The following MLXIPL variants were observed in gnomAD, a reference collection of about 807,000 sequenced individuals.
MLXIPL encodes the protein carbohydrate-responsive element-binding protein.
In MLXIPL, 49 loss-of-function variants were observed where a neutral mutation model predicts 81.5. That is an observed-to-expected ratio of 0.60 (90% confidence interval 0.48 to 0.76). MLXIPL has a LOEUF of 0.76. Among genes scored for constraint, MLXIPL ranks in the 30% least tolerant of loss-of-function variants. MLXIPL has a pLI of 0.00. For synonymous variants in MLXIPL, 466 were observed against 485.5 expected (o/e 0.96, Z 0.53); for missense variants, 1,053 against 1,167.0 (o/e 0.90, Z 1.42).
intron 2 of MLXIPL, among the ~76,000 whole-genome samples, chr7:73,615,052 T>C (rs1231614110): frequency 6.6e-6 from 1 of 152,140 alleles, no homozygotes; most frequent in Non-Finnish European, 1.5e-5. Context: ...CCTTGTGATC[T>C]GCCCGCCTTG....
At chr7:73,616,489 A>G (rs960534471) in intron 1 of MLXIPL, among the ~76,000 whole-genome samples, 3 of 152,130 alleles carry the variant, frequency 2.0e-5, no homozygotes, top group Admixed American at 1.3e-4. Context: ...GTGGCCTCAC[A>G]GGTGTGTCTT....
At chr7:73,622,675 G>A (rs1796457764) in intron 1 of MLXIPL, among the ~76,000 whole-genome samples, 1 of 150,804 alleles carries the variant, frequency 6.6e-6, no homozygotes, top group Non-Finnish European at 1.5e-5. Context: ...GGGTATTTGG[G>A]AAGAAAACAC....
At chr7:73,611,222 A>C (rs1430194168) in intron 2 of MLXIPL, 2 of 152,220 alleles carry the variant, frequency 1.3e-5, no homozygotes, top group Non-Finnish European at 2.9e-5. Flanking sequence ...TGCCTGCCAA[A>C]GCCCACAGCG....
chr7:73,646,996 C>T, the MLXIPL span, among the ~76,000 whole-genome samples: 1 of 152,166 alleles, frequency 6.6e-6, no homozygotes, highest in Admixed American at 6.5e-5. Flanking sequence ...ACTCTGTCCC[C>T]ATCTCCACAC....
Position 73,595,653 on chromosome 7 carries a change from T to C in MLXIPL, c.2294A>G (p.Asn765Ser), listed in dbSNP as rs1554593343. ...DDYVRTRTLH[N>S]WKFWVFSILI... ...GGAGGATACCACCCAGAACTTCCAG[T>C]TGTGCAGCGTACGGGTTCGGACGTA... The change falls in exon 15 of 17, where the codon AAC (asparagine) becomes AGC (serine). Residue 765 changes from asparagine to serine, a missense_variant. Transcript: ENST00000313375. 4 of 1,613,978 alleles carry C rather than the reference T, an allele frequency of 2.5e-6. No homozygotes were observed. Among genetic ancestry groups the C allele is most frequent in the South Asian group, 2.2e-5 (2 of 91,088 alleles).
rs1177198914 is a variant in MLXIPL, at chr7:73,605,853, C to T, written c.820+57G>A. ...CCATCCCCAGCCATCCCTCCCTTGG[C>T]CTCCTGGAATCTCACAGGCCTTCAC... On this transcript the variant is annotated intron_variant, in intron 6 of 16. Coordinates refer to ENST00000313375, the MANE Select transcript of MLXIPL (RefSeq NM_032951.3). The T allele has an allele frequency of 3.2e-6, 5 of 1,569,922 alleles. No homozygotes were observed. In the Admixed American group the frequency reaches 9.4e-5, roughly 30 times the overall value.
chr7:73,632,428 C>A, the MLXIPL span, among the ~76,000 whole-genome samples: 35,653 of 152,096 alleles, frequency 0.23, 4,420 homozygotes, highest in African/African-American at 0.31. Context: ...TATTTGAAAA[C>A]GAAACCGACT....
chr7:73,640,410 A>G, the MLXIPL span, among the ~76,000 whole-genome samples: 3 of 150,496 alleles, frequency 2.0e-5, no homozygotes, highest in East Asian at 1.9e-4. Context: ...TCCAAAAAAA[A>G]AAAAAGAAAA....
At chr7:73,631,788 C>T in the MLXIPL span, among the ~76,000 whole-genome samples, 18 of 147,814 alleles carry the variant, frequency 1.2e-4, no homozygotes, top group African/African-American at 4.5e-4. Context: ...TCTCTCTCTT[C>T]TCCCCTCCCC....
intron 1 of MLXIPL, among the ~76,000 whole-genome samples, chr7:73,621,680 T>G (rs1263935992): frequency 1.4e-5 from 2 of 140,066 alleles, no homozygotes. Flanking sequence ...TCTCCCTCCA[T>G]CTCCCTCCCT....
chr7:73,616,860 A>AG (rs1796035807), intron 1 of MLXIPL, among the ~76,000 whole-genome samples: 1 of 151,660 alleles, frequency 6.6e-6, no homozygotes, highest in Admixed American at 6.6e-5. Context: ...AAAAAAAAAA[A>AG]AAAAAAAAAA....
chr7:73,598,168 C>G (rs1334705537), intron 8 of MLXIPL, among the ~76,000 whole-genome samples: 3 of 152,088 alleles, frequency 2.0e-5, no homozygotes, highest in Admixed American at 6.5e-5. Context: ...AACCAACCCA[C>G]CCATCCATTC....
In MLXIPL at chr7:73,599,658, C is replaced by T. The variant is rs1191202383; in HGVS notation, c.939G>A (p.Met313Ile). The change falls in exon 8 of 17, where the codon ATG (methionine) becomes ATA (isoleucine). Residue 313 changes from methionine to isoleucine, a missense_variant. By Grantham distance (10) the Met-to-Ile change is conservative (BLOSUM62 1). This residue lies in a region of MLXIPL where 823 missense variants were observed against 933.0 expected (regional missense o/e 0.88). Transcript: ENST00000313375. ...FTNSRLPQPP[M>I]PSNFPEPPSF... Reference sequence around the variant, plus strand: ...TGGGGGGCTCTGGGAAGTTTGAAGGCATGGGCGGCTGTGGGAGGCGGGAGT... The same window carrying T: ...TGGGGGGCTCTGGGAAGTTTGAAGGTATGGGCGGCTGTGGGAGGCGGGAGT... 1.9e-6 allele frequency: 3 copies of T among 1,607,356 alleles called. No homozygotes were observed. Among genetic ancestry groups the T allele is most frequent in the Non-Finnish European group, 2.5e-6 (3 of 1,176,648 alleles).
chr7:73,629,146 G>A (rs1329976646), upstream of MLXIPL, among the ~76,000 whole-genome samples: 1 of 151,700 alleles, frequency 6.6e-6, no homozygotes, highest in Non-Finnish European at 1.5e-5. Flanking sequence ...GGATTCAAGC[G>A]ATTCTCCTGC....
the MLXIPL span, among the ~76,000 whole-genome samples, chr7:73,639,464 G>A: frequency 6.6e-6 from 1 of 152,124 alleles, no homozygotes; most frequent in African/African-American, 2.4e-5. Flanking sequence ...TACTATGCAG[G>A]TGTTAACAGA....
chr7:73,624,618 G>T (rs553374903), upstream of MLXIPL: 458 of 1,379,982 alleles, frequency 3.3e-4, 3 homozygotes, highest in African/African-American at 6.5e-3. Flanking sequence ...GCGGGGCCTG[G>T]GACGGGGCGG....
chr7:73,596,098 G>C lies in MLXIPL; in HGVS notation c.2058+55C>G. ...CTGCAATTGAGTTTTGGGTGGGGGG[G>C]GTCCAGAAAGGGGCCCTGTGGTTTT... On this transcript the variant is annotated intron_variant, in intron 13 of 16. Transcript: ENST00000313375. This position sits in a 1 kb window ranked among gnomAD's most constrained non-coding sequence, Gnocchi z 4.7. The C allele has an allele frequency of 6.2e-7, 1 of 1,601,752 alleles. No homozygotes were observed. Among genetic ancestry groups the C allele is most frequent in the South Asian group, 1.1e-5 (1 of 90,584 alleles).
chr7:73,636,188 T>C, the MLXIPL span, among the ~76,000 whole-genome samples: 3 of 151,722 alleles, frequency 2.0e-5, no homozygotes, highest in Admixed American at 1.3e-4. Flanking sequence ...AGTGGGAGGA[T>C]CACTTGAGGC....
chr7:73,601,740 C>T (rs547408668), intron 7 of MLXIPL, among the ~76,000 whole-genome samples: 26 of 152,174 alleles, frequency 1.7e-4, no homozygotes, highest in African/African-American at 4.6e-4. Flanking sequence ...CCATGTTGCC[C>T]GGGCTGGTCT....
Sources: allele counts gnomAD v4.1 joint callset (sites outside exome capture counted in the v4.1 genomes callset), GRCh38; gene constraint gnomAD v4.1.1; regional missense constraint gnomAD v4.1.1; non-coding constraint Gnocchi (gnomAD v3.1); transcripts MANE v1.5; gene names NCBI Gene and HGNC (gene_info 2026-07-23, HGNC 2026-07-21).